The following SCX variants were observed in gnomAD, a reference collection of about 807,000 sequenced individuals.
The protein encoded by SCX is basic helix-loop-helix transcription factor scleraxis.
Under a neutral mutation model 12.2 loss-of-function variants are expected in SCX, and 7 were observed. That is an observed-to-expected ratio of 0.57 (90% CI 0.33 to 1.08). The LOEUF is 1.08. SCX is among the 50% of genes least tolerant of loss of function. The pLI, the probability that SCX is intolerant of heterozygous loss-of-function variation, is 0.04. For missense variants in SCX, 342 were observed against 337.2 expected (o/e 1.01, Z -0.11); for synonymous variants, 193 against 163.9 (o/e 1.18, Z -1.36).
intron 1 of SCX, among the ~76,000 whole-genome samples, chr8:144,267,559 G>A (rs1554837345): frequency 6.6e-6 from 1 of 152,264 alleles, no homozygotes; most frequent in African/African-American, 2.4e-5. Flanking sequence ...AGGCTGCAAG[G>A]CAAGAGAGGA....
chr8:144,268,193 C>T lies in SCX; in HGVS notation c.*51C>T. 3 of 1,548,396 alleles carry T rather than the reference C, an allele frequency of 1.9e-6. No individual in the cohort carries two copies. The South Asian group carries it at 3.6e-5, about 18-fold the overall frequency. ...CAGACGCTGCTGGGGGAGGTGGACG[C>T]CCGGGGTGACTGCAGACAGCCCCCA... On this transcript the variant is annotated 3_prime_UTR_variant, in exon 2 of 2. Coordinates refer to ENST00000567180, the MANE Select transcript of SCX (RefSeq NM_001080514.3).
Position 144,266,453 on chromosome 8 carries a change from G to A in SCX, c.-161G>A, listed in dbSNP as rs1190765424. ...AAGGCGCAGCTCGGGGCCCCGCTCC[G>A]GCCCGGGACGCACATGTGCGCGCGA... On this transcript the variant is annotated 5_prime_UTR_variant, in exon 1 of 2. Coordinates refer to ENST00000567180, the MANE Select transcript of SCX (RefSeq NM_001080514.3). 1,962 of 966,824 alleles carry A rather than the reference G, an allele frequency of 2.0e-3. 36 individuals carry two copies. The African/African-American group carries it at 0.031, about 15-fold the overall frequency. The allele number at this position is 966,824 out of a possible 1,614,324, so 59.9% of individuals were successfully genotyped here.
chr8:144,267,291 G>C, intron 1 of SCX, 111 bp downstream of exon 1: 1 of 1,284,658 alleles, frequency 7.8e-7, no homozygotes. Context: ...ACAGGGCACA[G>C]GCAGGCACAC....
In SCX at chr8:144,266,571, G is replaced by A; in HGVS notation, c.-43G>A. 1 of 1,016,060 alleles carries A rather than the reference G, an allele frequency of 9.8e-7. No individual in the cohort carries two copies. Among genetic ancestry groups the A allele is most frequent in the Non-Finnish European group, 1.2e-6 (1 of 851,498 alleles). The allele number at this position is 1,016,060 out of a possible 1,614,324, so 62.9% of individuals were successfully genotyped here. On this transcript the variant is annotated 5_prime_UTR_variant, in exon 1 of 2. It removes an upstream start codon present in the reference 5' UTR. Transcript: ENST00000567180. ...CCGCGGCGGCCGCAGGAGGCGGCAT[G>A]AGCAGCGCGCGACAGAGCTGACGCC...
chr8:144,268,185 G>A lies in SCX; in HGVS notation c.*43G>A. 6.5e-7 allele frequency: 1 copy of A among 1,549,126 alleles called. No individual in the cohort carries two copies. Among genetic ancestry groups the A allele is most frequent in the Non-Finnish European group, 8.7e-7 (1 of 1,146,618 alleles). ...CCAGGAGGCAGACGCTGCTGGGGGA[G>A]GTGGACGCCCGGGGTGACTGCAGAC... is the stretch of plus-strand genomic sequence containing the variant. On this transcript the variant is annotated 3_prime_UTR_variant, in exon 2 of 2. Coordinates refer to ENST00000567180, the MANE Select transcript of SCX (RefSeq NM_001080514.3).
chr8:144,267,251 G>T, intron 1 of SCX, 71 bp downstream of exon 1: 1 of 1,435,466 alleles, frequency 7.0e-7, no homozygotes. Flanking sequence ...CCAGGCAGAG[G>T]AGGCGAGGCC....
intron 1 of SCX, 44 bp downstream of exon 1, chr8:144,267,224 C>T: frequency 6.8e-7 from 1 of 1,478,518 alleles, no homozygotes; most frequent in Non-Finnish European, 8.9e-7. Flanking sequence ...TCCAACGCGC[C>T]CCTCAGCCCA....
intron 1 of SCX, among the ~76,000 whole-genome samples, chr8:144,267,668 GGT>G (rs1222908896): frequency 6.6e-6 from 1 of 152,204 alleles, no homozygotes; most frequent in Non-Finnish European, 1.5e-5. Context: ...CAAGACACCA[GGT>G]CCTGTAGGGC....
Position 144,267,087 on chromosome 8 carries a change from C to CCCG in SCX, c.483_485dup (p.Pro166dup), listed in dbSNP as rs1489041334. The CCCG allele has an allele frequency of 6.3e-5, 86 of 1,367,502 alleles. No homozygotes were observed. Among genetic ancestry groups the CCCG allele is most frequent in the Middle Eastern group, 2.7e-4 (1 of 3,688 alleles). The allele number at this position is 1,367,502 out of a possible 1,614,324, so 84.7% of individuals were successfully genotyped here. A position where few individuals can be genotyped will look rare whatever the true frequency, so the allele number is the denominator to read the frequency against. On this transcript the variant is annotated inframe_insertion, in exon 1 of 2. Coordinates refer to ENST00000567180, the MANE Select transcript of SCX (RefSeq NM_001080514.3). Reference sequence around the variant, plus strand: ...TCCACGCGGCGCGCGCCGGCAGCCCCCCGCCGCCGCCCCCGCCGCCTCCCG... The same window carrying CCCG: ...TCCACGCGGCGCGCGCCGGCAGCCCCCCGCCGCCGCCGCCCCCGCCGCCTCCCG...
In SCX at chr8:144,267,056, C is replaced by T. The variant is rs1458247848; in HGVS notation, c.443C>T (p.Ala148Val). ...GDGQPCHSGPAFFHAARAGSP... is the reference protein window; with the variant it reads ...GDGQPCHSGPVFFHAARAGSP... Reference sequence around the variant, plus strand: ...GGACAGCCCTGCCACTCCGGGCCCGCCTTCTTCCACGCGGCGCGCGCCGGC... The same window carrying T: ...GGACAGCCCTGCCACTCCGGGCCCGTCTTCTTCCACGCGGCGCGCGCCGGC... Residue 148 changes from alanine (A) to valine (V), a missense_variant, in exon 1 of 2, where the codon GCC (alanine) becomes GTC (valine). This residue lies in a region of SCX where 161 missense variants were observed against 155.7 expected (regional missense o/e 1.03). Transcript: ENST00000567180. 28 of 1,481,768 alleles carry T rather than the reference C, an allele frequency of 1.9e-5. No individual in the cohort carries two copies. The Middle Eastern group carries it at 9.7e-4, about 51-fold the overall frequency. The allele number at this position is 1,481,768 out of a possible 1,614,324, so 91.8% of individuals were successfully genotyped here.
chr8:144,266,484 G>C lies in SCX; in HGVS notation c.-130G>C. On this transcript the variant is annotated 5_prime_UTR_variant, in exon 1 of 2. Transcript: ENST00000567180. ...GGACGCACATGTGCGCGCGACGCCC[G>C]GCAGCTGCCACCGCGGGGCGCAGCC... The C allele has an allele frequency of 4.1e-6, 4 of 985,186 alleles. No individual in the cohort carries two copies. The highest frequency in any genetic ancestry group is 9.3e-5 in the South Asian group (2 of 21,532). The allele number at this position is 985,186 out of a possible 1,614,324, so 61.0% of individuals were successfully genotyped here.
rs1447692886 is a variant in SCX, at chr8:144,266,647, G to A, written c.34G>A (p.Gly12Ser). 46 of 1,250,482 alleles carry A rather than the reference G, an allele frequency of 3.7e-5. No homozygotes were observed. The highest frequency in any genetic ancestry group is 4.5e-5 in the Non-Finnish European group (44 of 977,978). The allele number at this position is 1,250,482 out of a possible 1,614,324, so 77.5% of individuals were successfully genotyped here. Residue 12 changes from glycine to serine, a missense_variant, in exon 1 of 2, where the codon GGC becomes AGC. Physicochemically the swap from Gly to Ser is moderately conservative, Grantham distance 56. Around this residue, in one of 3 missense-constraint regions of SCX, gnomAD observed 139 missense variants for 107.8 expected, o/e 1.29. Transcript: ENST00000567180. Reference sequence around the variant, plus strand: ...CGCCACGCTGCGCCCGGCGCCGCCGGGCCGCTACCTGTACCCCGAGGTGAG... The same window carrying A: ...CGCCACGCTGCGCCCGGCGCCGCCGAGCCGCTACCTGTACCCCGAGGTGAG... ...SFATLRPAPPGRYLYPEVSPL... is the reference protein window; with the variant it reads ...SFATLRPAPPSRYLYPEVSPL...
rs1845374286 is a variant in SCX, at chr8:144,266,655, C to T, written c.42C>T (p.Tyr14=). The change falls in exon 1 of 2, where the codon TAC becomes TAT. Residue 14 remains tyrosine, a synonymous_variant. Coordinates refer to ENST00000567180, the MANE Select transcript of SCX (RefSeq NM_001080514.3). ...ATLRPAPPGR[Y]LYPEVSPLSE... is the part of the protein sequence containing the mutation. ...TGCGCCCGGCGCCGCCGGGCCGCTA[C>T]CTGTACCCCGAGGTGAGCCCGCTGT... 2.4e-6 allele frequency: 3 copies of T among 1,258,868 alleles called. No homozygotes were observed. In the African/African-American group the frequency reaches 4.9e-5, roughly 20 times the overall value. The allele number at this position is 1,258,868 out of a possible 1,614,324, so 78.0% of individuals were successfully genotyped here.
At chr8:144,267,854 A>C (rs1845414355) in intron 1 of SCX, among the ~76,000 whole-genome samples, 1 of 152,204 alleles carries the variant, frequency 6.6e-6, no homozygotes, top group African/African-American at 2.4e-5. Flanking sequence ...GGCTTTTCCC[A>C]ATCCCCATTT....
In SCX at chr8:144,268,110, G is replaced by A; in HGVS notation, c.574G>A (p.Asp192Asn). Residue 192 changes from aspartate to asparagine, a missense_variant, in exon 2 of 2, where the codon GAC (aspartate) becomes AAC (asparagine). Asp to Asn is a conservative substitution (Grantham distance 23). Around this residue, in one of 3 missense-constraint regions of SCX, gnomAD observed 161 missense variants for 155.7 expected, o/e 1.03. Coordinates refer to ENST00000567180, the MANE Select transcript of SCX (RefSeq NM_001080514.3). ...TCCTCCCTCCCCTCTGCAGAGCAAG[G>A]ACCGCGACAGAAAGACAGCGATTCG... ...CLSNQRKLSK[D>N]RDRKTAIRS The A allele has an allele frequency of 6.4e-7, 1 of 1,551,270 alleles. No homozygotes were observed. The highest frequency in any genetic ancestry group is 8.7e-7 in the Non-Finnish European group (1 of 1,147,296).
In SCX at chr8:144,266,471, G is replaced by C. The variant is rs1274463900; in HGVS notation, c.-143G>C. Reference sequence around the variant, plus strand: ...CCGCTCCGGCCCGGGACGCACATGTGCGCGCGACGCCCGGCAGCTGCCACC... The same window carrying C: ...CCGCTCCGGCCCGGGACGCACATGTCCGCGCGACGCCCGGCAGCTGCCACC... On this transcript the variant is annotated 5_prime_UTR_variant, in exon 1 of 2. Transcript: ENST00000567180. 311 of 982,450 alleles carry C rather than the reference G, an allele frequency of 3.2e-4. No individual in the cohort carries two copies. Among genetic ancestry groups the C allele is most frequent in the Middle Eastern group, 3.1e-3 (6 of 1,914 alleles). The allele number at this position is 982,450 out of a possible 1,614,324, so 60.9% of individuals were successfully genotyped here.
At chr8:144,267,301 C>T (rs1845396876) in intron 1 of SCX, 121 bp downstream of exon 1, 11 of 1,214,122 alleles carry the variant, frequency 9.1e-6, no homozygotes, top group Non-Finnish European at 1.1e-5. Flanking sequence ...GGCAGGCACA[C>T]CTGTAACACA....
Position 144,268,198 on chromosome 8 carries a change from G to C in SCX, c.*56G>C, listed in dbSNP as rs1845425034. 1 of 1,547,842 alleles carries C rather than the reference G, an allele frequency of 6.5e-7. No individual in the cohort carries two copies. On this transcript the variant is annotated 3_prime_UTR_variant, in exon 2 of 2. Coordinates refer to ENST00000567180, the MANE Select transcript of SCX (RefSeq NM_001080514.3). The stretch of plus-strand genomic sequence containing the variant: ...GCTGCTGGGGGAGGTGGACGCCCGG[G>C]GTGACTGCAGACAGCCCCCACCTTG...
In SCX at chr8:144,268,087, C is replaced by G. The variant is rs1297468961; in HGVS notation, c.568-17C>G. On this transcript the variant is annotated splice_polypyrimidine_tract_variant and intron_variant, in intron 1 of 1. Coordinates refer to ENST00000567180, the MANE Select transcript of SCX (RefSeq NM_001080514.3). ...TGGGCTCTGCCGGGGCCTGACACTC[C>G]TCCCTCCCCTCTGCAGAGCAAGGAC... is the stretch of plus-strand genomic sequence containing the variant. 11 of 1,550,312 alleles carry G rather than the reference C, an allele frequency of 7.1e-6. No homozygotes were observed. In the East Asian group the frequency reaches 2.7e-4, roughly 38 times the overall value.
Sources: allele counts gnomAD v4.1 joint callset (sites outside exome capture counted in the v4.1 genomes callset), GRCh38; gene constraint gnomAD v4.1.1; regional missense constraint gnomAD v4.1.1; transcripts MANE v1.5; gene names NCBI Gene and HGNC (gene_info 2026-07-23, HGNC 2026-07-21).